The following MUC12 variants were observed in gnomAD, a reference collection of about 807,000 sequenced individuals.
The protein encoded by MUC12 is mucin-12.
In MUC12, 172 loss-of-function variants were observed where a neutral mutation model predicts 230.8. The observed-to-expected ratio is 0.75, with a 90% CI of 0.66 to 0.85. The LOEUF (loss-of-function observed/expected upper bound fraction) is 0.85. Ranked by LOEUF, MUC12 falls within the 40% of genes least tolerant of loss-of-function variation. The probability of loss-of-function intolerance (pLI) is 0.00; values close to 1 mark genes in which losing one functional copy is unlikely to be tolerated. For synonymous variants in MUC12, 1,259 were observed against 2,401.9 expected (o/e 0.52, Z 13.91); for missense variants, 3,506 against 5,920.6 (o/e 0.59, Z 13.38).
Position 100,995,880 on chromosome 7 carries a change from C to T in MUC12, c.5317C>T (p.His1773Tyr), listed in dbSNP as rs372961356. The change falls in exon 2 of 12, where the codon CAC becomes TAC. Residue 1773 changes from histidine to tyrosine, a missense_variant. By Grantham distance (83) the His-to-Tyr change is moderately conservative. Transcript: ENST00000536621. ...SGLVEESTAY[H>Y]SSPGSTQTMH... ...CCTCGTTGAAGAATCTACGGCGTAC[C>T]ACAGCAGCCCGGGCTCAACTCAAAC... is the stretch of plus-strand genomic sequence containing the variant. The T allele has an allele frequency of 1.4e-5, 20 of 1,422,988 alleles. No individual in the cohort carries two copies. Among genetic ancestry groups the T allele is most frequent in the South Asian group, 7.5e-5 (6 of 80,284 alleles). 88.1% of individuals were successfully genotyped at this position (1,422,988 alleles called of 1,614,324 possible).
chr7:101,013,131 C>T lies in MUC12; in HGVS notation c.15627C>T (p.Gly5209=). The T allele has an allele frequency of 1.3e-6, 2 of 1,537,216 alleles. No homozygotes were observed. Among genetic ancestry groups the T allele is most frequent in the Non-Finnish European group, 1.7e-6 (2 of 1,146,888 alleles). The change falls in exon 8 of 12, where the codon GGC becomes GGT. Residue 5209 remains glycine, a synonymous_variant. Transcript: ENST00000536621. ...GCACATGTCAGCTGCAACGCAGTGG[C>T]CCCCGCTGCCTGTGAGTGTCCCCAT... is the stretch of plus-strand genomic sequence containing the variant. The part of the protein sequence containing the change: ...NLGTCQLQRS[G]PRCLCPNTNT...
rs4729631 is a variant in MUC12, at chr7:100,991,924, C to T, written c.1361C>T (p.Ala454Val). 115,587 of 1,522,152 alleles carry T rather than the reference C, an allele frequency of 0.076. 7,570 individuals are homozygous for T. Among genetic ancestry groups the T allele is most frequent in the Admixed American group, 0.32 (15,687 of 49,270 alleles). The allele number at this position is 1,522,152 out of a possible 1,614,324, so 94.3% of individuals were successfully genotyped here. A position where few individuals can be genotyped will look rare whatever the true frequency, so the allele number is the denominator to read the frequency against. ...PDAMATTVLP[A>V]GSTPSVLVGD... ...GCAATGGCAACAACAGTCTTACCTGCCGGCTCTACACCCTCAGTTCTTGTT... is the reference window on the plus strand; with the variant it reads ...GCAATGGCAACAACAGTCTTACCTGTCGGCTCTACACCCTCAGTTCTTGTT... Residue 454 changes from alanine to valine, a missense_variant, in exon 2 of 12, where the codon GCC (alanine) becomes GTC (valine). Coordinates refer to ENST00000536621, the MANE Select transcript of MUC12 (RefSeq NM_001164462.2).
chr7:101,010,859 G>A (rs539867049), intron 5 of MUC12, among the ~76,000 whole-genome samples: 17 of 151,810 alleles, frequency 1.1e-4, no homozygotes, highest in African/African-American at 4.1e-4. Flanking sequence ...TATGTTGCCC[G>A]GGCTGGTCTC....
rs1793107624 is a variant in MUC12 at position 100,981,626 on chromosome 7, T to C, written c.68-9005T>C. The C allele has an allele frequency of 7.1e-6, 3 of 423,830 alleles. No individual in the cohort carries two copies. The South Asian group carries it at 2.2e-4, about 31-fold the overall frequency. The allele number at this position is 423,830 out of a possible 1,614,324, so 26.3% of individuals were successfully genotyped here. On this transcript the variant is annotated intron_variant, in intron 1 of 11. Coordinates refer to ENST00000536621, the MANE Select transcript of MUC12 (RefSeq NM_001164462.2). ...TTGGTGTGACCTGCGAGGGCAACTG[T>C]TGTGGAGATGTGAGTGGTTAAGGAC...
chr7:100,991,643 C>T lies in MUC12; in HGVS notation c.1080C>T (p.Ala360=). The T allele has an allele frequency of 6.5e-7, 1 of 1,537,050 alleles. No individual in the cohort carries two copies. Among genetic ancestry groups the T allele is most frequent in the South Asian group, 1.2e-5 (1 of 84,022 alleles). Residue 360 remains alanine (A), a synonymous_variant, in exon 2 of 12, where the codon GCC becomes GCT. Transcript: ENST00000536621. ...ATSGHVEEST[A]YHRSPGSTQT... is the part of the protein sequence containing the mutation. The stretch of plus-strand genomic sequence containing the variant: ...CAGGCCATGTTGAAGAATCTACAGC[C>T]TACCACAGGAGCCCGGGCTCAACTC...
intron 1 of MUC12, chr7:100,972,292 A>T (rs1438798027): frequency 1.4e-6 from 1 of 692,732 alleles, no homozygotes; most frequent in African/African-American, 1.7e-5. Flanking sequence ...TTGACAGTGG[A>T]TTTGTGTCCT....
intron 9 of MUC12, chr7:101,015,321 G>C (rs1793899099): frequency 2.4e-6 from 1 of 416,100 alleles, no homozygotes; most frequent in Non-Finnish European, 4.4e-6. Context: ...CCCTGGCACA[G>C]TACCTGACCC....
chr7:100,981,866 CTTTT>C (rs533760849), intron 1 of MUC12, among the ~76,000 whole-genome samples: 1 of 124,860 alleles, frequency 8.0e-6, no homozygotes. Context: ...GCTGCTGCTG[CTTTT>C]TTTTTTTTTT....
Position 100,992,315 on chromosome 7 carries a change from A to G in MUC12, c.1752A>G (p.Pro584=), listed in dbSNP as rs1346090378. The G allele has an allele frequency of 2.0e-6, 3 of 1,536,792 alleles. No homozygotes were observed. Among genetic ancestry groups the G allele is most frequent in the South Asian group, 1.2e-5 (1 of 83,978 alleles). ...GPEYTTFHSR[P]GSTETTLLPD... is the part of the protein sequence containing the mutation. ...AATATACTACCTTCCACAGCCGCCCAGGCTCCACTGAAACAACACTCTTAC... is the reference window on the plus strand; with the variant it reads ...AATATACTACCTTCCACAGCCGCCCGGGCTCCACTGAAACAACACTCTTAC... The change falls in exon 2 of 12, where the codon CCA becomes CCG. Residue 584 remains proline, a synonymous_variant. Transcript: ENST00000536621.
intron 1 of MUC12, among the ~76,000 whole-genome samples, chr7:100,975,337 T>A (rs1563084637): frequency 6.6e-6 from 1 of 152,310 alleles, no homozygotes; most frequent in Non-Finnish European, 1.5e-5. Flanking sequence ...TCAGCGCTCT[T>A]TAGCTTAGAA....
At chr7:101,010,376 G>A (rs1452521320) in intron 5 of MUC12, among the ~76,000 whole-genome samples, 1 of 152,106 alleles carries the variant, frequency 6.6e-6, no homozygotes, top group Non-Finnish European at 1.5e-5. Context: ...TCGCTCTCTT[G>A]CCCAGGCTGG....
At chr7:100,983,662 G>A (rs1158921010) in intron 1 of MUC12, among the ~76,000 whole-genome samples, 1 of 152,124 alleles carries the variant, frequency 6.6e-6, no homozygotes, top group Non-Finnish European at 1.5e-5. Flanking sequence ...GAATCACTGA[G>A]TTCCAGTTAA....
At chr7:100,983,222 C>A (rs1387541878) in intron 1 of MUC12, among the ~76,000 whole-genome samples, 5 of 151,782 alleles carry the variant, frequency 3.3e-5, no homozygotes, top group Admixed American at 1.3e-4. Flanking sequence ...GAGTTCAAGA[C>A]CAGCCTGTCC....
At chr7:100,977,429 C>T (rs1053450439) in intron 1 of MUC12, among the ~76,000 whole-genome samples, 2 of 150,450 alleles carry the variant, frequency 1.3e-5, no homozygotes, top group Admixed American at 6.6e-5. Context: ...TACAGTGGTG[C>T]GATCTCGCCT....
chr7:101,007,490 T>C (rs1331752638), intron 3 of MUC12, among the ~76,000 whole-genome samples: 4 of 152,220 alleles, frequency 2.6e-5, no homozygotes, highest in Non-Finnish European at 5.9e-5. Context: ...CACTAACAAG[T>C]GAGAACATGC....
chr7:101,007,006 T>G (rs1376439269), intron 3 of MUC12, among the ~76,000 whole-genome samples: 1 of 152,210 alleles, frequency 6.6e-6, no homozygotes, highest in African/African-American at 2.4e-5. Flanking sequence ...TCTCCCAGGC[T>G]GGAGTGTGAT....
chr7:100,980,627 T>C (rs184272190), intron 1 of MUC12, among the ~76,000 whole-genome samples: 1 of 152,286 alleles, frequency 6.6e-6, no homozygotes, highest in African/African-American at 2.4e-5. Context: ...ATGTCATCGT[T>C]AAAATGATAT....
Position 101,013,966 on chromosome 7 carries a change from T to A in MUC12, c.15692T>A (p.Ile5231Asn). 6.5e-7 allele frequency: 1 copy of A among 1,536,544 alleles called. No homozygotes were observed. Among genetic ancestry groups the A allele is most frequent in the Non-Finnish European group, 8.7e-7 (1 of 1,146,624 alleles). The change falls in exon 9 of 12, where the codon ATC becomes AAC. Residue 5231 changes from isoleucine (I) to asparagine (N), a missense_variant. Physicochemically the swap from Ile to Asn is moderately radical, Grantham distance 149. Transcript: ENST00000536621. Reference sequence around the variant, plus strand: ...TGGGGAGAGACCTGTGAATTCAACATCGCCAAGAGCCTCGTGTATGGGATC... The same window carrying A: ...TGGGGAGAGACCTGTGAATTCAACAACGCCAAGAGCCTCGTGTATGGGATC... ...WYWGETCEFN[I>N]AKSLVYGIVG...
At chr7:100,990,104 G>A (rs534425513) in intron 1 of MUC12, among the ~76,000 whole-genome samples, 1 of 152,250 alleles carries the variant, frequency 6.6e-6, no homozygotes, top group Admixed American at 6.5e-5. Flanking sequence ...CTATAACAGG[G>A]GTCCCCAACC....
Sources: allele counts gnomAD v4.1 joint callset (sites outside exome capture counted in the v4.1 genomes callset), GRCh38; gene constraint gnomAD v4.1.1; transcripts MANE v1.5; gene names NCBI Gene and HGNC (gene_info 2026-07-23, HGNC 2026-07-21).